The following TMTC1 variants were observed in gnomAD, a reference collection of about 807,000 sequenced individuals.
The protein encoded by TMTC1 is protein O-mannosyl-transferase TMTC1.
A neutral mutation model predicts 104.8 loss-of-function variants in TMTC1; 73 were observed. That is an observed-to-expected ratio of 0.70 (90% CI 0.58 to 0.85). The LOEUF (loss-of-function observed/expected upper bound fraction) is 0.85, where lower values mean the gene tolerates loss of function less well. Among genes scored for constraint, TMTC1 ranks in the 40% least tolerant of loss-of-function variants. The pLI is 0.00. For missense variants in TMTC1, 1,035 were observed against 1,096.1 expected (o/e 0.94, Z 0.79); for synonymous variants, 434 against 428.7 (o/e 1.01, Z -0.15).
rs1943641800 is a variant in TMTC1 at position 29,503,703 on chromosome 12, A to G, written c.*3143T>C. 1 of 152,344 alleles carries G rather than the reference A, an allele frequency of 6.6e-6. No individual in the cohort carries two copies. The highest frequency in any genetic ancestry group is 3.4e-3 in the Middle Eastern group (1 of 294). The allele number at this position is 152,344 out of a possible 1,614,324, so 9.4% of individuals were successfully genotyped here. A position where few individuals can be genotyped will look rare whatever the true frequency, so the allele number is the denominator to read the frequency against. Reference sequence around the variant, plus strand: ...GCCAGGCCAAAGCAACTCCTGTTTTATCCTCAGCCATCCTTCCTACCCAGG... The same window carrying G: ...GCCAGGCCAAAGCAACTCCTGTTTTGTCCTCAGCCATCCTTCCTACCCAGG... On this transcript the variant is annotated 3_prime_UTR_variant, in exon 18 of 18. Coordinates refer to ENST00000539277, the MANE Select transcript of TMTC1 (RefSeq NM_001193451.2).
intron 5 of TMTC1, among the ~76,000 whole-genome samples, chr12:29,634,405 C>A (rs80121045): frequency 0.027 from 4,057 of 152,228 alleles, 61 homozygotes; most frequent in Non-Finnish European, 0.04. Flanking sequence ...GCACAGTCGG[C>A]CTAATTGCAT....
At chr12:29,595,555 C>A (rs1408212771) in intron 7 of TMTC1, among the ~76,000 whole-genome samples, 2 of 152,228 alleles carry the variant, frequency 1.3e-5, no homozygotes, top group Non-Finnish European at 2.9e-5. Context: ...AGGTCCCTCC[C>A]TTCCTGGGCA....
At chr12:29,590,292 T>C (rs1946245736) in intron 7 of TMTC1, among the ~76,000 whole-genome samples, 1 of 152,208 alleles carries the variant, frequency 6.6e-6, no homozygotes, top group African/African-American at 2.4e-5. Flanking sequence ...TTGAGCTATG[T>C]ATTCATCTTT....
rs897940057 is a variant in TMTC1, at chr12:29,528,938, C to T, written c.1785+7271G>A. On this transcript the variant is annotated intron_variant, in intron 11 of 17. Transcript: ENST00000539277. ...GCAAAAAAAATAGCGAGAATAGTGG[C>T]ATTAGTTTATATTTTTGTAAATCTC... Among the ~76,000 whole-genome samples, 49 of 152,004 alleles carry T rather than the reference C, an allele frequency of 3.2e-4. 1 individual carries two copies. The highest frequency in any genetic ancestry group is 9.4e-4 in the African/African-American group (39 of 41,456).
At chr12:29,573,057 C>G (rs529410177) in intron 8 of TMTC1, among the ~76,000 whole-genome samples, 2 of 152,130 alleles carry the variant, frequency 1.3e-5, no homozygotes, top group African/African-American at 4.8e-5. Flanking sequence ...GTGAAAGACT[C>G]TCTCTCGCTC....
chr12:29,518,691 ATTCT>A (rs1944060828), intron 12 of TMTC1, 84 bp from the exon 13 acceptor site: 2 of 1,499,678 alleles, frequency 1.3e-6, no homozygotes, highest in Non-Finnish European at 1.8e-6. Flanking sequence ...CTGACTTATA[ATTCT>A]TTCTCATTAT....
chr12:29,590,707 C>G (rs1002519800), intron 7 of TMTC1, among the ~76,000 whole-genome samples: 1 of 152,196 alleles, frequency 6.6e-6, no homozygotes, highest in Non-Finnish European at 1.5e-5. Context: ...ATTGCTTGAA[C>G]CCAAGAGGCA....
chr12:29,530,215 C>A (rs1001850681), intron 11 of TMTC1, among the ~76,000 whole-genome samples: 1 of 152,192 alleles, frequency 6.6e-6, no homozygotes, highest in Admixed American at 6.5e-5. Flanking sequence ...CTTAAAAACT[C>A]AATTCCCAGC....
At chr12:29,764,879 C>A (rs1046826268) in intron 2 of TMTC1, among the ~76,000 whole-genome samples, 6 of 152,144 alleles carry the variant, frequency 3.9e-5, no homozygotes, top group African/African-American at 1.4e-4. Context: ...AGGAACCAAC[C>A]TTAACCAGTT....
In TMTC1 at chr12:29,504,664, G is replaced by C. The variant is rs1022072454; in HGVS notation, c.*2182C>G. 6.6e-6 allele frequency: 1 copy of C among 152,130 alleles called. No individual in the cohort carries two copies. The highest frequency in any genetic ancestry group is 2.4e-5 in the African/African-American group (1 of 41,420). The allele number at this position is 152,130 out of a possible 1,614,324, so 9.4% of individuals were successfully genotyped here. A position where few individuals can be genotyped will look rare whatever the true frequency, so the allele number is the denominator to read the frequency against. ...TACAGGAGGCAGAGAGTTTCCTGAA[G>C]GTCATGTGATCCTTTACCCTCAGAA... is the stretch of plus-strand genomic sequence containing the variant. On this transcript the variant is annotated 3_prime_UTR_variant, in exon 18 of 18. Coordinates refer to ENST00000539277, the MANE Select transcript of TMTC1 (RefSeq NM_001193451.2).
At chr12:29,636,741 C>G (rs1160151954) in intron 5 of TMTC1, among the ~76,000 whole-genome samples, 1 of 151,736 alleles carries the variant, frequency 6.6e-6, no homozygotes, top group African/African-American at 2.4e-5. Context: ...TCTCTTGAAC[C>G]TGGGAGGTGG....
intron 5 of TMTC1, among the ~76,000 whole-genome samples, chr12:29,684,786 C>T (rs1036991081): frequency 3.3e-5 from 5 of 152,138 alleles, no homozygotes; most frequent in Admixed American, 2.6e-4. Flanking sequence ...GGATCTCCCC[C>T]TCTCCGGCCA....
rs73071526 is a variant in TMTC1 at position 29,561,847 on chromosome 12, C to T, written c.1533-4847G>A. ...AGGGTGTGTATATTTGTCCGATTTT[C>T]ATACCACACATTAATTTATTTGAGG... On this transcript the variant is annotated intron_variant, in intron 9 of 17. Coordinates refer to ENST00000539277, the MANE Select transcript of TMTC1 (RefSeq NM_001193451.2). Among the ~76,000 whole-genome samples the T allele has an allele frequency of 1.5e-3, 236 of 152,314 alleles. 1 individual carries two copies. The highest frequency in any genetic ancestry group is 0.014 in the Middle Eastern group (4 of 294).
chr12:29,514,183 G>T (rs572636692), intron 16 of TMTC1, among the ~76,000 whole-genome samples: 1 of 152,282 alleles, frequency 6.6e-6, no homozygotes, highest in African/African-American at 2.4e-5. Flanking sequence ...AGAAGGTCTT[G>T]CAGGCAGAGA....
intron 5 of TMTC1, among the ~76,000 whole-genome samples, chr12:29,684,305 T>G (rs187729331): frequency 8.5e-5 from 13 of 152,224 alleles, no homozygotes; most frequent in African/African-American, 3.1e-4. Context: ...AAGAGAATAT[T>G]TGAACCTCAA....
chr12:29,687,751 G>C lies in TMTC1; in HGVS notation c.939-54415C>G, dbSNP rs566143678. On this transcript the variant is annotated intron_variant, in intron 5 of 17. Coordinates refer to ENST00000539277, the MANE Select transcript of TMTC1 (RefSeq NM_001193451.2). ...GGGAGCAGTAGGGTTGGTGCCTGGT[G>C]AGGGATCTCTTCTTGGCTTGCAGAC... is the stretch of plus-strand genomic sequence containing the variant. 3.9e-5 allele frequency among the ~76,000 whole-genome samples: 6 copies of C among 152,340 alleles called. No homozygotes were observed. The South Asian group carries it at 1.2e-3, about 32-fold the overall frequency.
chr12:29,555,499 AGT>A (rs1171029442), intron 10 of TMTC1, among the ~76,000 whole-genome samples: 1 of 150,464 alleles, frequency 6.6e-6, no homozygotes, highest in Non-Finnish European at 1.5e-5. Context: ...GACAGGCCCC[AGT>A]GTGTGATGTT....
At chr12:29,514,429 C>A in intron 16 of TMTC1, 53 bp downstream of exon 16, 2 of 1,552,444 alleles carry the variant, frequency 1.3e-6, no homozygotes, top group Non-Finnish European at 1.8e-6. Flanking sequence ...GATCAAAAGA[C>A]AATTAATTTT....
intron 11 of TMTC1, among the ~76,000 whole-genome samples, chr12:29,523,617 A>G (rs147312075): frequency 3.9e-5 from 6 of 152,240 alleles, no homozygotes; most frequent in African/African-American, 1.4e-4. Flanking sequence ...GTAGGCATTG[A>G]TTTCACTCTA....
Sources: gnomAD v4.1 joint callset for allele counts (sites outside exome capture counted in the v4.1 genomes callset) on GRCh38, gnomAD v4.1.1 for gene constraint, MANE v1.5 for transcripts, NCBI Gene and HGNC (gene_info 2026-07-23, HGNC 2026-07-21) for gene names.